The following PDE4B variants were observed in gnomAD, a reference collection of about 807,000 sequenced individuals.
PDE4B encodes phosphodiesterase 4B.
In PDE4B, 20 loss-of-function variants were observed where a neutral mutation model predicts 82.2. That is an observed-to-expected ratio of 0.24 (90% CI 0.17 to 0.35). PDE4B has a LOEUF of 0.35. PDE4B is among the 10% of genes least tolerant of loss of function. The pLI is 1.00. For missense variants in PDE4B, 655 were observed against 907.2 expected, an observed-to-expected ratio of 0.72 and a Z score of 3.57; for synonymous variants, 320 against 318.9, an observed-to-expected ratio of 1.00 and a Z score of -0.04.
intron 3 of PDE4B, among the ~76,000 whole-genome samples, chr1:66,156,147 A>G (rs1477148431): frequency 2.0e-5 from 3 of 152,208 alleles, no homozygotes; most frequent in Admixed American, 2.0e-4. Context: ...GTTAGAGTGG[A>G]TTAAAAAGTG....
chr1:65,941,586 A>G (rs1648452150), intron 3 of PDE4B, among the ~76,000 whole-genome samples: 9 of 152,056 alleles, frequency 5.9e-5, no homozygotes, highest in Admixed American at 5.9e-4. Flanking sequence ...GGAGGCAGAC[A>G]GTGACCCATG....
chr1:65,978,271 A>G (rs1287925729), intron 3 of PDE4B, among the ~76,000 whole-genome samples: 3 of 151,852 alleles, frequency 2.0e-5, no homozygotes. Flanking sequence ...CAGGTGATCC[A>G]CCCGCCTTGG....
intron 7 of PDE4B, chr1:66,266,950 A>G (rs1160864799): frequency 9.0e-6 from 2 of 221,784 alleles, no homozygotes; most frequent in East Asian, 2.4e-4. Flanking sequence ...ATGCTTTTCT[A>G]TTTCCAGCAG....
intron 3 of PDE4B, among the ~76,000 whole-genome samples, chr1:66,150,272 G>T (rs1413003547): frequency 1.3e-5 from 2 of 150,440 alleles, no homozygotes; most frequent in African/African-American, 4.9e-5. Context: ...ATTTCTGAAA[G>T]AAAAAAAAAG....
At chr1:66,352,192 T>C (rs1661883639) in intron 8 of PDE4B, among the ~76,000 whole-genome samples, 1 of 152,178 alleles carries the variant, frequency 6.6e-6, no homozygotes, top group African/African-American at 2.4e-5. Flanking sequence ...TGACCTCCAT[T>C]TGCATACTTC....
intron 1 of PDE4B, among the ~76,000 whole-genome samples, chr1:65,888,333 T>C (rs2100374878): frequency 6.6e-6 from 1 of 152,340 alleles, no homozygotes; most frequent in Non-Finnish European, 1.5e-5. Context: ...AAAACCATGC[T>C]GTTTTAGTTA....
chr1:66,028,882 G>C (rs1477369368), intron 3 of PDE4B, among the ~76,000 whole-genome samples: 1 of 152,136 alleles, frequency 6.6e-6, no homozygotes, highest in Non-Finnish European at 1.5e-5. Flanking sequence ...AGCCATTCAA[G>C]AAGTCTCTAG....
At chr1:66,336,452 A>T (rs1032877068) in intron 8 of PDE4B, among the ~76,000 whole-genome samples, 8 of 152,198 alleles carry the variant, frequency 5.3e-5, no homozygotes, top group African/African-American at 1.9e-4. Flanking sequence ...TTTTCAAAAG[A>T]TGAACATACT....
chr1:66,189,241 C>A (rs1191554514), intron 3 of PDE4B, among the ~76,000 whole-genome samples: 1 of 151,970 alleles, frequency 6.6e-6, no homozygotes, highest in Non-Finnish European at 1.5e-5. Flanking sequence ...GGTAACCTGA[C>A]CTTTCTCTCT....
At position 66,001,361 on chromosome 1, in the gene PDE4B, G is replaced by A. The variant is rs114195863; in HGVS notation, c.281+82526G>A. Reference sequence around the variant, plus strand: ...ATATGTTTTCTTTATGTTGAAGAGAGCACATTTCGATGGAGAGCAATAGTT... The same window carrying A: ...ATATGTTTTCTTTATGTTGAAGAGAACACATTTCGATGGAGAGCAATAGTT... On this transcript the variant is annotated intron_variant, in intron 3 of 16. Transcript: ENST00000341517. 7.7e-3 allele frequency among the ~76,000 whole-genome samples: 1,166 copies of A among 152,234 alleles called. 6 individuals are homozygous for A. The highest frequency in any genetic ancestry group is 0.012 in the Admixed American group (188 of 15,286).
At chr1:66,152,661 C>G (rs537803359) in intron 3 of PDE4B, 2 of 137,322 alleles carry the variant, frequency 1.5e-5, no homozygotes, top group East Asian at 2.0e-4. Context: ...CACACACACA[C>G]ACACACACTA....
In PDE4B at chr1:66,183,193, C is replaced by A. The variant is rs1647107179; in HGVS notation, c.282-64267C>A. Among the ~76,000 whole-genome samples the A allele has an allele frequency of 5.3e-5, 8 of 152,210 alleles. No individual in the cohort carries two copies. In the South Asian group the frequency reaches 1.7e-3, roughly 32 times the overall value. Reference sequence around the variant, plus strand: ...GTTCTAAATGAGGGGCCCCCATAGACAATGATAGGAACACAGAGTAGAATT... The same window carrying A: ...GTTCTAAATGAGGGGCCCCCATAGAAAATGATAGGAACACAGAGTAGAATT... On this transcript the variant is annotated intron_variant, in intron 3 of 16. Coordinates refer to ENST00000341517, the MANE Select transcript of PDE4B (RefSeq NM_002600.4).
intron 7 of PDE4B, among the ~76,000 whole-genome samples, chr1:66,325,217 G>C (rs1267129194): frequency 1.3e-5 from 2 of 152,198 alleles, no homozygotes; most frequent in Non-Finnish European, 2.9e-5. Context: ...AGAAGCTTGT[G>C]AATGAAGCTA....
intron 7 of PDE4B, among the ~76,000 whole-genome samples, chr1:66,300,922 A>G (rs1657845714): frequency 6.6e-6 from 1 of 152,176 alleles, no homozygotes; most frequent in Non-Finnish European, 1.5e-5. Flanking sequence ...ACATAGCATT[A>G]CTGATAAATA....
At chr1:66,055,181 T>C (rs1265826466) in intron 3 of PDE4B, among the ~76,000 whole-genome samples, 1 of 152,252 alleles carries the variant, frequency 6.6e-6, no homozygotes, top group Non-Finnish European at 1.5e-5. Context: ...AGCTGACTTA[T>C]GCAATTTCTA....
Position 66,247,531 on chromosome 1 carries a change from T to C in PDE4B, c.353T>C (p.Leu118Pro), listed in dbSNP as rs1316221351. The change falls in exon 4 of 17, where the codon CTG becomes CCG. Residue 118 changes from leucine to proline, a missense_variant. By Grantham distance (98) the Leu-to-Pro change is moderately conservative (BLOSUM62 -3). Transcript: ENST00000341517. ...CCCCAGGCCAGCTCTTCCGCTGGGC[T>C]GGTACTTCACGCCACCTTTCCTGGG... ...LDPQASSSAG[L>P]VLHATFPGHS... is the part of the protein sequence containing the mutation. The C allele has an allele frequency of 6.2e-7, 1 of 1,613,004 alleles. No individual in the cohort carries two copies. Among genetic ancestry groups the C allele is most frequent in the Non-Finnish European group, 8.5e-7 (1 of 1,179,466 alleles).
At chr1:66,326,862 C>G (rs984346665) in intron 7 of PDE4B, among the ~76,000 whole-genome samples, 2 of 152,148 alleles carry the variant, frequency 1.3e-5, no homozygotes, top group Admixed American at 6.5e-5. Flanking sequence ...GTTTTCTCAA[C>G]TGTATTACAA....
chr1:65,812,992 A>G (rs1645837363), intron 1 of PDE4B, among the ~76,000 whole-genome samples: 1 of 152,192 alleles, frequency 6.6e-6, no homozygotes, highest in African/African-American at 2.4e-5. Flanking sequence ...TAGGGGCTGG[A>G]GAGGGAATAC....
intron 3 of PDE4B, among the ~76,000 whole-genome samples, chr1:66,153,466 G>T (rs1210337273): frequency 2.6e-5 from 4 of 152,030 alleles, no homozygotes; most frequent in Non-Finnish European, 4.4e-5. Flanking sequence ...ACCTGAGGGG[G>T]GTCAAGAACC....
Sources: gnomAD v4.1 joint callset for allele counts (sites outside exome capture counted in the v4.1 genomes callset) on GRCh38, gnomAD v4.1.1 for gene constraint, MANE v1.5 for transcripts, NCBI Gene and HGNC (gene_info 2026-07-23, HGNC 2026-07-21) for gene names.